MMAB: variants seen among roughly 807,000 people sequenced by gnomAD.
The protein encoded by MMAB is metabolism of cobalamin associated B.
A neutral mutation model predicts 30.6 loss-of-function variants in MMAB; 17 were observed. The observed-to-expected ratio is 0.56, with a 90% confidence interval of 0.38 to 0.83. The LOEUF is 0.83. Ranked by LOEUF, MMAB falls within the 40% of genes least tolerant of loss-of-function variation. The pLI is 0.00. For missense variants in MMAB, 311 were observed against 331.6 expected (o/e 0.94, Z 0.48); for synonymous variants, 134 against 138.6 (o/e 0.97, Z 0.23).
At position 109,556,475 on chromosome 12, in the gene MMAB, G is replaced by T. The variant is rs879270876; in HGVS notation, c.*553C>A. On this transcript the variant is annotated 3_prime_UTR_variant, in exon 9 of 9. Coordinates refer to ENST00000545712, the MANE Select transcript of MMAB (RefSeq NM_052845.4). ...AGCTATCCTTCCCCCACACTTTGGCGGTGATGGGTGGCTCAGAGGTGACTA... is the reference window on the plus strand; with the variant it reads ...AGCTATCCTTCCCCCACACTTTGGCTGTGATGGGTGGCTCAGAGGTGACTA... 5.3e-5 allele frequency: 24 copies of T among 453,918 alleles called. No individual in the cohort carries two copies. The Admixed American group carries it at 5.4e-4, about 10-fold the overall frequency. 28.1% of individuals were successfully genotyped at this position (453,918 alleles called of 1,614,324 possible).
Position 109,569,192 on chromosome 12 carries a change from C to T in MMAB, c.197-329G>A, listed in dbSNP as rs190504293. Among the ~76,000 whole-genome samples, 1 of 152,270 alleles carries T rather than the reference C, an allele frequency of 6.6e-6. No homozygotes were observed. On this transcript the variant is annotated intron_variant, in intron 2 of 8. Coordinates refer to ENST00000545712, the MANE Select transcript of MMAB (RefSeq NM_052845.4). The surrounding 1 kb of genome is among the most constrained non-coding windows in gnomAD (Gnocchi z 4.1). ...GAACTCCTGGTCTCAAGTGATTCAC[C>T]CGCCTCAGCCTCCCAAAGTGCTGAG...
At position 109,554,898 on chromosome 12, in the gene MMAB, C is replaced by T. The variant is rs1057489034; in HGVS notation, c.*2130G>A. 4.4e-6 allele frequency: 2 copies of T among 453,988 alleles called. No individual in the cohort carries two copies. Among genetic ancestry groups the T allele is most frequent in the African/African-American group, 4.0e-5 (2 of 49,996 alleles). 28.1% of individuals were successfully genotyped at this position (453,988 alleles called of 1,614,324 possible). On this transcript the variant is annotated 3_prime_UTR_variant, in exon 9 of 9. Coordinates refer to ENST00000545712, the MANE Select transcript of MMAB (RefSeq NM_052845.4). The stretch of plus-strand genomic sequence containing the variant: ...ACACCTGCTGAGTGGTGGCATCTGC[C>T]CTGCACCCAGGTGGTTTCTCAGAGA...
intron 2 of MMAB, among the ~76,000 whole-genome samples, chr12:109,570,363 C>T (rs1013448918): frequency 6.6e-6 from 1 of 152,186 alleles, no homozygotes; most frequent in Non-Finnish European, 1.5e-5. Context: ...CAAGCCCAAC[C>T]CTACAATAAG....
chr12:109,559,712 C>T (rs1271153868), intron 7 of MMAB, among the ~76,000 whole-genome samples: 3 of 152,216 alleles, frequency 2.0e-5, no homozygotes, highest in Non-Finnish European at 4.4e-5. Flanking sequence ...AGTGTGGTGG[C>T]GGGCCCTTGC....
intron 8 of MMAB, 76 bp downstream of exon 8, chr12:109,559,020 G>C: frequency 9.0e-7 from 1 of 1,113,000 alleles, no homozygotes; most frequent in Non-Finnish European, 1.4e-6. Flanking sequence ...CTGCTTCCCG[G>C]ACCGCTGCAC....
At chr12:109,557,806 G>T (rs578033202) in intron 8 of MMAB, among the ~76,000 whole-genome samples, 1 of 152,342 alleles carries the variant, frequency 6.6e-6, no homozygotes, top group South Asian at 2.1e-4. Flanking sequence ...GAGAAGCACA[G>T]GCTGGAGCAC....
intron 3 of MMAB, chr12:109,567,154 G>A: frequency 2.6e-6 from 1 of 390,724 alleles, no homozygotes; most frequent in Non-Finnish European, 5.1e-6. Flanking sequence ...TGGGCAACAA[G>A]CGCGAAACTC....
chr12:109,565,659 GGA>G (rs1452276078), intron 3 of MMAB, among the ~76,000 whole-genome samples: 6 of 152,216 alleles, frequency 3.9e-5, no homozygotes, highest in African/African-American at 1.4e-4. Flanking sequence ...GTGATATTCA[GGA>G]GTGTGATAGG....
At chr12:109,567,785 C>T (rs1884488965) in intron 3 of MMAB, 2 of 152,174 alleles carry the variant, frequency 1.3e-5, no homozygotes, top group African/African-American at 4.8e-5. Flanking sequence ...GTGTGCACCA[C>T]CACGCCTGGC....
Position 109,564,379 on chromosome 12 carries a change from G to GTT in MMAB, c.348+738_348+739dup, listed in dbSNP as rs869192707. 5.4e-3 allele frequency among the ~76,000 whole-genome samples: 688 copies of GTT among 126,730 alleles called. 5 individuals carry two copies. The highest frequency in any genetic ancestry group is 8.0e-3 in the Admixed American group (99 of 12,356). 83.1% of individuals were successfully genotyped at this position (126,730 alleles called of 152,430 possible). A position where few individuals can be genotyped will look rare whatever the true frequency, so the allele number is the denominator to read the frequency against. On this transcript the variant is annotated intron_variant, in intron 4 of 8. Coordinates refer to ENST00000545712, the MANE Select transcript of MMAB (RefSeq NM_052845.4). ...CCAGTTGTTTGTTTTGGAGACAGAG[G>GTT]TTTTTTTTTTTTTTTTTTTTTAAAG...
In MMAB at chr12:109,555,198, G is replaced by A. The variant is rs1457421454; in HGVS notation, c.*1830C>T. The A allele has an allele frequency of 2.2e-6, 1 of 451,858 alleles. No homozygotes were observed. The highest frequency in any genetic ancestry group is 7.0e-5 in the East Asian group (1 of 14,334). The allele number at this position is 451,858 out of a possible 1,614,324, so 28.0% of individuals were successfully genotyped here. On this transcript the variant is annotated 3_prime_UTR_variant, in exon 9 of 9. Transcript: ENST00000545712. ...CAGGAAGATTTTGAGATTTTGAGGT[G>A]TAGACAGAATTGAGTGATTCGCTGC...
chr12:109,562,038 G>T (rs1401475762), intron 4 of MMAB, among the ~76,000 whole-genome samples, 186 bp from the exon 5 acceptor site: 1 of 152,216 alleles, frequency 6.6e-6, no homozygotes, highest in African/African-American at 2.4e-5. Flanking sequence ...AGAGTTGGAG[G>T]TGGGGCCTGG....
intron 2 of MMAB, among the ~76,000 whole-genome samples, chr12:109,571,185 T>A (rs1420924046): frequency 6.6e-6 from 1 of 152,184 alleles, no homozygotes; most frequent in Non-Finnish European, 1.5e-5. Context: ...TGGGTGTTTT[T>A]CATTTCACAT....
chr12:109,555,635 G>A lies in MMAB; in HGVS notation c.*1393C>T. The A allele has an allele frequency of 2.2e-6, 1 of 450,912 alleles. No individual in the cohort carries two copies. Among genetic ancestry groups the A allele is most frequent in the South Asian group, 1.6e-5 (1 of 64,254 alleles). The allele number at this position is 450,912 out of a possible 1,614,324, so 27.9% of individuals were successfully genotyped here. A position where few individuals can be genotyped will look rare whatever the true frequency, so the allele number is the denominator to read the frequency against. ...TGGTAGTGACGATGGGGGCAGGGAG[G>A]CACGGAACAAAGCCACCTCCTGGAA... On this transcript the variant is annotated 3_prime_UTR_variant, in exon 9 of 9. Coordinates refer to ENST00000545712, the MANE Select transcript of MMAB (RefSeq NM_052845.4).
intron 3 of MMAB, among the ~76,000 whole-genome samples, chr12:109,566,082 C>T (rs1884413691): frequency 6.6e-6 from 1 of 152,094 alleles, no homozygotes; most frequent in Admixed American, 6.5e-5. Flanking sequence ...CTGGAGGGAG[C>T]TGAATTCTGG....
At position 109,555,341 on chromosome 12, in the gene MMAB, G is replaced by C; in HGVS notation, c.*1687C>G. 1 of 425,038 alleles carries C rather than the reference G, an allele frequency of 2.4e-6. No individual in the cohort carries two copies. The highest frequency in any genetic ancestry group is 4.5e-6 in the Non-Finnish European group (1 of 220,942). The allele number at this position is 425,038 out of a possible 1,614,324, so 26.3% of individuals were successfully genotyped here. Reference sequence around the variant, plus strand: ...TCTATCAGCCAGGCTGGAGTGTCGTGTCACGATCTTGGCTCACTGCAGCCT... The same window carrying C: ...TCTATCAGCCAGGCTGGAGTGTCGTCTCACGATCTTGGCTCACTGCAGCCT... On this transcript the variant is annotated 3_prime_UTR_variant, in exon 9 of 9. Transcript: ENST00000545712.
chr12:109,561,647 C>T lies in MMAB; in HGVS notation c.422-130G>A. 1 of 1,208,638 alleles carries T rather than the reference C, an allele frequency of 8.3e-7. No individual in the cohort carries two copies. The highest frequency in any genetic ancestry group is 1.2e-6 in the Non-Finnish European group (1 of 841,930). The allele number at this position is 1,208,638 out of a possible 1,614,324, so 74.9% of individuals were successfully genotyped here. On this transcript the variant is annotated intron_variant, in intron 5 of 8. Coordinates refer to ENST00000545712, the MANE Select transcript of MMAB (RefSeq NM_052845.4). This position sits in a 1 kb window ranked among gnomAD's most constrained non-coding sequence, Gnocchi z 5.3. The stretch of plus-strand genomic sequence containing the variant: ...TTCCACTGGCTCAGAAGGTACCTTC[C>T]CTCCCAGGAGCTACGAGCAAGGCTA...
chr12:109,566,574 C>T (rs1044962005), intron 3 of MMAB, among the ~76,000 whole-genome samples: 3 of 152,222 alleles, frequency 2.0e-5, no homozygotes, highest in Non-Finnish European at 4.4e-5. Flanking sequence ...GCAGGCCCCA[C>T]CCTGGGCACT....
Position 109,558,288 on chromosome 12 carries a change from C to T in MMAB, c.644+808G>A, listed in dbSNP as rs897599313. Among the ~76,000 whole-genome samples the T allele has an allele frequency of 3.3e-5, 5 of 152,118 alleles. No homozygotes were observed. The highest frequency in any genetic ancestry group is 1.2e-4 in the African/African-American group (5 of 41,442). On this transcript the variant is annotated intron_variant, in intron 8 of 8. Coordinates refer to ENST00000545712, the MANE Select transcript of MMAB (RefSeq NM_052845.4). The surrounding 1 kb of genome is among the most constrained non-coding windows in gnomAD (Gnocchi z 4.3). ...ATGCTATGGGACCGCAGGGTTGCTG[C>T]TTTGAAGGTGAAGTAGACCTGCTCC...
Sources: allele counts gnomAD v4.1 joint callset (sites outside exome capture counted in the v4.1 genomes callset), GRCh38; gene constraint gnomAD v4.1.1; non-coding constraint Gnocchi (gnomAD v3.1); transcripts MANE v1.5; gene names NCBI Gene and HGNC (gene_info 2026-07-23, HGNC 2026-07-21).